Variants in LDLRAD4 observed in about 807,000 individuals in gnomAD.
LDLRAD4 encodes low density lipoprotein receptor class A domain containing 4, also known as low-density lipoprotein receptor class A domain-containing protein 4.
Under a neutral mutation model 17.0 loss-of-function variants are expected in LDLRAD4, and 5 were observed. The observed-to-expected ratio is 0.29, with a 90% CI of 0.15 to 0.62. The LOEUF is 0.62. LDLRAD4 is among the 20% of genes least tolerant of loss of function. LDLRAD4 has a pLI of 0.84. For synonymous variants in LDLRAD4, 168 were observed against 171.8 expected, an observed-to-expected ratio of 0.98 and a Z score of 0.17; for missense variants, 340 against 424.7, an observed-to-expected ratio of 0.80 and a Z score of 1.75.
At chr18:13,400,006 C>T (rs558573646) in intron 2 of LDLRAD4, among the ~76,000 whole-genome samples, 1 of 152,312 alleles carries the variant, frequency 6.6e-6, no homozygotes, top group East Asian at 1.9e-4. Flanking sequence ...GTTTAGACTC[C>T]ATATCTTTAT....
chr18:13,391,553 T>C, intron 2 of LDLRAD4, among the ~76,000 whole-genome samples: 1 of 152,248 alleles, frequency 6.6e-6, no homozygotes, highest in East Asian at 1.9e-4. Flanking sequence ...ATTTTTAGTT[T>C]TCTCAGCATA....
chr18:13,549,051 T>C (rs543622632), intron 3 of LDLRAD4, among the ~76,000 whole-genome samples: 3 of 152,144 alleles, frequency 2.0e-5, no homozygotes, highest in South Asian at 4.2e-4. Context: ...CTACAGGGAG[T>C]TGCATTTCGC....
At chr18:13,246,643 A>G (rs905814321) in intron 1 of LDLRAD4, among the ~76,000 whole-genome samples, 7 of 152,228 alleles carry the variant, frequency 4.6e-5, no homozygotes, top group African/African-American at 1.7e-4. Context: ...CTGTAAGGAA[A>G]TGTGATCCAT....
chr18:13,438,405 G>A (rs1568150451), intron 3 of LDLRAD4, 21 bp downstream of exon 4: 2 of 1,610,362 alleles, frequency 1.2e-6, no homozygotes, highest in African/African-American at 2.7e-5. Context: ...CCTCCCACCT[G>A]GGTGGCACTG....
At chr18:13,649,527 C>A (rs113073020) in exon 6 of LDLRAD4, 2,168 of 152,524 alleles carry the variant, frequency 0.014, 10 homozygotes, top group Middle Eastern at 0.037. Context: ...CGAAGCCCTC[C>A]CTCAAAGGAC....
intron 1 of LDLRAD4, among the ~76,000 whole-genome samples, chr18:13,373,821 A>G (rs1568065917): frequency 6.6e-6 from 1 of 152,178 alleles, no homozygotes; most frequent in Non-Finnish European, 1.5e-5. Context: ...TTTACCTTGT[A>G]CATTTTCATT....
At chr18:13,429,808 G>A (rs2090204282) in intron 2 of LDLRAD4, among the ~76,000 whole-genome samples, 1 of 152,226 alleles carries the variant, frequency 6.6e-6, no homozygotes, top group Non-Finnish European at 1.5e-5. Context: ...CGCAGGTCGC[G>A]AGGCCCCACA....
intron 3 of LDLRAD4, among the ~76,000 whole-genome samples, chr18:13,530,135 C>G (rs2094105336): frequency 6.6e-6 from 1 of 152,202 alleles, no homozygotes; most frequent in South Asian, 2.1e-4. Context: ...ACCTGTGCTT[C>G]CAGCCATGTG....
chr18:13,619,432 CT>C (rs1406269786), intron 3 of LDLRAD4, among the ~76,000 whole-genome samples: 1 of 146,902 alleles, frequency 6.8e-6, no homozygotes. Context: ...CAATTTCAGT[CT>C]TTTCCAGGAA....
intron 3 of LDLRAD4, among the ~76,000 whole-genome samples, chr18:13,458,188 G>A (rs751077649): frequency 6.6e-6 from 1 of 152,096 alleles, no homozygotes; most frequent in African/African-American, 2.4e-5. Context: ...CTGATGCTGA[G>A]CAGGAGCCGT....
At chr18:13,336,512 C>T (rs554373703) in intron 1 of LDLRAD4, among the ~76,000 whole-genome samples, 1 of 152,100 alleles carries the variant, frequency 6.6e-6, no homozygotes, top group African/African-American at 2.4e-5. Context: ...GTCATTCATC[C>T]AAACCTATCA....
chr18:13,550,252 A>G (rs1052789821), intron 3 of LDLRAD4, among the ~76,000 whole-genome samples: 2 of 152,216 alleles, frequency 1.3e-5, no homozygotes, highest in African/African-American at 4.8e-5. Context: ...TGAGGAATAT[A>G]AAAACACAGA....
At chr18:13,432,471 G>A (rs1231505955) in intron 2 of LDLRAD4, among the ~76,000 whole-genome samples, 1 of 152,208 alleles carries the variant, frequency 6.6e-6, no homozygotes. Flanking sequence ...TAAAAAGAGT[G>A]ACAGATCCTG....
chr18:13,489,399 C>CAAAG (rs1481956079), intron 3 of LDLRAD4: 2 of 152,270 alleles, frequency 1.3e-5, no homozygotes, highest in South Asian at 2.1e-4. Context: ...GTGATCCTCC[C>CAAAG]ACCTCGGCCT....
chr18:13,645,140 C>T lies in LDLRAD4; in HGVS notation c.404C>T (p.Pro135Leu), dbSNP rs769620438. The change falls in exon 6 of 6, where the codon CCG (proline) becomes CTG (leucine). Residue 135 changes from proline to leucine, a missense_variant. Transcript: ENST00000359446. The surrounding 1 kb of genome is among the most constrained non-coding windows in gnomAD (Gnocchi z 5.7). ...TTTTCCTTCCAGATCATGCATGCCC[C>T]GCGGTCCAGGGACAGGTTCACAGCG... 17 of 1,609,558 alleles carry T rather than the reference C, an allele frequency of 1.1e-5. No homozygotes were observed. The highest frequency in any genetic ancestry group is 2.2e-5 in the South Asian group (2 of 90,856).
chr18:13,306,978 C>T (rs1265669157), intron 1 of LDLRAD4, among the ~76,000 whole-genome samples: 1 of 152,116 alleles, frequency 6.6e-6, no homozygotes, highest in Non-Finnish European at 1.5e-5. Flanking sequence ...GGGAAAAAAA[C>T]ATAGAAGAAG....
Position 13,357,883 on chromosome 18 carries a change from A to C in LDLRAD4, c.-382-29458A>C, listed in dbSNP as rs1221717512. Among the ~76,000 whole-genome samples the C allele has an allele frequency of 2.0e-5, 3 of 152,300 alleles. No homozygotes were observed. In the East Asian group the frequency reaches 5.8e-4, roughly 29 times the overall value. ...CCTTGAGAGATGACTGCTTTTTTAC[A>C]TATAATTATGAACTCATGGATTTTA... On this transcript the variant is annotated intron_variant, in intron 1 of 5. Coordinates refer to ENST00000359446, the Ensembl canonical transcript of LDLRAD4.
intron 3 of LDLRAD4, among the ~76,000 whole-genome samples, chr18:13,582,906 G>A (rs2094883469): frequency 6.6e-6 from 1 of 152,124 alleles, no homozygotes; most frequent in Non-Finnish European, 1.5e-5. Context: ...TTGTAGAGAT[G>A]GGGTCTTGCT....
intron 4 of LDLRAD4, among the ~76,000 whole-genome samples, chr18:13,631,911 A>C (rs1163179468): frequency 6.6e-6 from 1 of 152,194 alleles, no homozygotes; most frequent in Non-Finnish European, 1.5e-5. Flanking sequence ...TGGAAGACAG[A>C]GCGAGACTCT....
Sources: allele counts gnomAD v4.1 joint callset (sites outside exome capture counted in the v4.1 genomes callset), GRCh38; gene constraint gnomAD v4.1.1; non-coding constraint Gnocchi (gnomAD v3.1); transcripts MANE v1.5; gene names NCBI Gene and HGNC (gene_info 2026-07-23, HGNC 2026-07-21).